Variants in SATB2 observed in about 807,000 individuals in gnomAD.
SATB2 encodes DNA-binding protein SATB2.
A neutral mutation model predicts 73.4 loss-of-function variants in SATB2; 1 was observed. That is an observed-to-expected ratio of 0.01 (90% CI 0.00 to 0.06). The LOEUF (loss-of-function observed/expected upper bound fraction) is 0.06, where lower values mean the gene tolerates loss of function less well. SATB2 is among the 10% of genes least tolerant of loss of function. The pLI is 1.00. For missense variants in SATB2, 459 were observed against 945.8 expected (o/e 0.49, Z 6.75); for synonymous variants, 397 against 367.0 (o/e 1.08, Z -0.93).
chr2:199,286,016 G>A (rs1474626033), intron 10 of SATB2, among the ~76,000 whole-genome samples: 2 of 151,754 alleles, frequency 1.3e-5, no homozygotes, highest in Non-Finnish European at 1.5e-5. Flanking sequence ...TGACACAATA[G>A]GCTGTTAAAC....
chr2:199,275,537 G>A (rs1043971291), intron 10 of SATB2, among the ~76,000 whole-genome samples: 17 of 151,932 alleles, frequency 1.1e-4, no homozygotes, highest in African/African-American at 3.6e-4. Flanking sequence ...ATTCCAATTC[G>A]GAGGATTCTC....
chr2:199,343,901 C>T (rs1279714138), intron 7 of SATB2, among the ~76,000 whole-genome samples: 1 of 152,102 alleles, frequency 6.6e-6, no homozygotes, highest in African/African-American at 2.4e-5. Context: ...CCTTTTATAA[C>T]TTGGCACTTG....
chr2:199,402,153 G>A lies in SATB2; in HGVS notation c.347-20333C>T, dbSNP rs185567647. Among the ~76,000 whole-genome samples, 22 of 152,212 alleles carry A rather than the reference G, an allele frequency of 1.4e-4. No individual in the cohort carries two copies. The East Asian group carries it at 3.9e-3, about 27-fold the overall frequency. On this transcript the variant is annotated intron_variant, in intron 3 of 10. Transcript: ENST00000417098. ...CGTAATCCCAGCACTTTGGGAGGCC[G>A]AGGCGGGTGGATCATGAGGTCAAGA... is the stretch of plus-strand genomic sequence containing the variant.
chr2:199,455,781 G>A lies in SATB2; in HGVS notation c.169+88C>T, dbSNP rs2105956949. 3 of 1,432,890 alleles carry A rather than the reference G, an allele frequency of 2.1e-6. No individual in the cohort carries two copies. The highest frequency in any genetic ancestry group is 2.8e-6 in the Non-Finnish European group (3 of 1,055,286). 88.8% of individuals were successfully genotyped at this position (1,432,890 alleles called of 1,614,324 possible). A position where few individuals can be genotyped will look rare whatever the true frequency, so the allele number is the denominator to read the frequency against. On this transcript the variant is annotated intron_variant, in intron 2 of 10. Coordinates refer to ENST00000417098, the MANE Select transcript of SATB2 (RefSeq NM_001172509.2). This position sits in a 1 kb window ranked among gnomAD's most constrained non-coding sequence, Gnocchi z 4.1. Reference sequence around the variant, plus strand: ...AATTCACTTCCTGTAATCCTACACCGCGACAGCGCCTAATCAACCTGAACC... The same window carrying A: ...AATTCACTTCCTGTAATCCTACACCACGACAGCGCCTAATCAACCTGAACC...
chr2:199,401,338 G>A (rs187161725), intron 3 of SATB2, among the ~76,000 whole-genome samples: 17 of 151,908 alleles, frequency 1.1e-4, no homozygotes, highest in African/African-American at 4.1e-4. Context: ...ACGAGGTCAG[G>A]AATTCAAGAC....
chr2:199,304,469 A>C (rs1389992679), intron 10 of SATB2, among the ~76,000 whole-genome samples: 1 of 152,162 alleles, frequency 6.6e-6, no homozygotes, highest in African/African-American at 2.4e-5. Flanking sequence ...GTGTTTCACT[A>C]CTGATCCCCT....
chr2:199,462,178 G>T (rs1157598061), upstream of SATB2, among the ~76,000 whole-genome samples: 1 of 152,220 alleles, frequency 6.6e-6, no homozygotes, highest in Non-Finnish European at 1.5e-5. The surrounding 1 kb of genome is among the most constrained non-coding windows in gnomAD (Gnocchi z 5.9). Flanking sequence ...AAAACTATGG[G>T]AATCGCCCGC....
At chr2:199,311,622 T>C (rs1324910853) in intron 9 of SATB2, among the ~76,000 whole-genome samples, 2 of 152,176 alleles carry the variant, frequency 1.3e-5, no homozygotes, top group Non-Finnish European at 2.9e-5. Context: ...TGTGATGCCA[T>C]ATATAGGTAT....
At chr2:199,354,889 G>A (rs533335088) in intron 6 of SATB2, among the ~76,000 whole-genome samples, 6 of 152,050 alleles carry the variant, frequency 3.9e-5, no homozygotes, top group East Asian at 3.9e-4. Context: ...AGTTCACAGC[G>A]ACAATGCTCT....
intron 2 of SATB2, among the ~76,000 whole-genome samples, chr2:199,437,666 T>G (rs1360150834): frequency 6.6e-6 from 1 of 152,180 alleles, no homozygotes; most frequent in African/African-American, 2.4e-5. Context: ...GCAAACAATA[T>G]CTACATCATA....
At chr2:199,394,437 T>C (rs1188812457) in intron 3 of SATB2, among the ~76,000 whole-genome samples, 1 of 152,138 alleles carries the variant, frequency 6.6e-6, no homozygotes, top group Admixed American at 6.5e-5. Context: ...GTAAGAAAGA[T>C]AAGAAGATGG....
chr2:199,335,021 A>C (rs1015136015), intron 7 of SATB2, among the ~76,000 whole-genome samples: 1 of 152,054 alleles, frequency 6.6e-6, no homozygotes, highest in African/African-American at 2.4e-5. Flanking sequence ...TAATGCTAAA[A>C]ATACTCACCC....
At chr2:199,349,213 T>C in intron 6 of SATB2, 40 bp from the exon 7 acceptor site, 5 of 1,429,156 alleles carry the variant, frequency 3.5e-6, no homozygotes, top group Non-Finnish European at 2.9e-6. Context: ...ATTATTTTCA[T>C]TGGTACAATT....
At chr2:199,385,038 C>G (rs1436452456) in intron 3 of SATB2, among the ~76,000 whole-genome samples, 1 of 152,134 alleles carries the variant, frequency 6.6e-6, no homozygotes, top group African/African-American at 2.4e-5. Context: ...ATCTTCTATT[C>G]CCACCACTTC....
At chr2:199,306,645 T>A (rs185724261) in intron 10 of SATB2, among the ~76,000 whole-genome samples, 255 of 152,256 alleles carry the variant, frequency 1.7e-3, no homozygotes, top group Middle Eastern at 3.4e-3. Context: ...GAAAAGATAA[T>A]AAAACTCATA....
chr2:199,404,972 C>G (rs1690587781), intron 3 of SATB2, among the ~76,000 whole-genome samples: 1 of 152,148 alleles, frequency 6.6e-6, no homozygotes, highest in South Asian at 2.1e-4. Flanking sequence ...TGAGGTTCTA[C>G]AAAGAAGAGG....
intron 10 of SATB2, among the ~76,000 whole-genome samples, chr2:199,299,051 T>A (rs764419212): frequency 2.6e-5 from 4 of 152,174 alleles, no homozygotes; most frequent in Non-Finnish European, 5.9e-5. Flanking sequence ...GTGGTTTGGT[T>A]CATGTACTAA....
Position 199,464,708 on chromosome 2 carries a change from C to G in SATB2, c.-141+128G>C, listed in dbSNP as rs1692558865. 6.6e-6 allele frequency: 1 copy of G among 152,246 alleles called. No individual in the cohort carries two copies. The highest frequency in any genetic ancestry group is 1.5e-5 in the Non-Finnish European group (1 of 68,062). The allele number at this position is 152,246 out of a possible 1,614,324, so 9.4% of individuals were successfully genotyped here. A position where few individuals can be genotyped will look rare whatever the true frequency, so the allele number is the denominator to read the frequency against. The stretch of plus-strand genomic sequence containing the variant: ...CTGCGCCCCGCGGTCGCGTGGCCTA[C>G]TCGCCTACTCCCTTATTATTGGCTG... On this transcript the variant is annotated intron_variant, in intron 1 of 11. Coordinates refer to the SATB2 transcript ENST00000260926. This position sits in a 1 kb window ranked among gnomAD's most constrained non-coding sequence, Gnocchi z 6.6.
At chr2:199,369,491 G>GT (rs1689381143) in intron 5 of SATB2, among the ~76,000 whole-genome samples, 1 of 152,126 alleles carries the variant, frequency 6.6e-6, no homozygotes, top group South Asian at 2.1e-4. Context: ...AGTTAATACA[G>GT]TATGTTTGGG....
Sources: allele counts gnomAD v4.1 joint callset (sites outside exome capture counted in the v4.1 genomes callset), GRCh38; gene constraint gnomAD v4.1.1; non-coding constraint Gnocchi (gnomAD v3.1); transcripts MANE v1.5; gene names NCBI Gene and HGNC (gene_info 2026-07-23, HGNC 2026-07-21).